The following DLG2 variants were observed in gnomAD, a reference collection of about 807,000 sequenced individuals.
DLG2 encodes disks large homolog 2.
Under a neutral mutation model 132.5 loss-of-function variants are expected in DLG2, and 45 were observed. The ratio of observed to expected loss-of-function variants is 0.34; its 90% CI spans 0.27 to 0.44. The LOEUF (loss-of-function observed/expected upper bound fraction) is 0.44. Ranked by LOEUF, DLG2 falls within the 20% of genes least tolerant of loss-of-function variation. The pLI is 1.00. For missense variants in DLG2, 1,045 were observed against 1,196.9 expected (o/e 0.87, Z 1.87); for synonymous variants, 424 against 419.6 (o/e 1.01, Z -0.13).
intron 3 of DLG2, among the ~76,000 whole-genome samples, chr11:85,591,269 A>C (rs529720932): frequency 1.3e-5 from 2 of 152,160 alleles, no homozygotes; most frequent in African/African-American, 4.8e-5. Flanking sequence ...TTGTTTCTCA[A>C]CTCTTTGGAA....
At chr11:83,460,743 A>T (rs2089752727) in intron 27 of DLG2, among the ~76,000 whole-genome samples, 1 of 152,224 alleles carries the variant, frequency 6.6e-6, no homozygotes, top group Non-Finnish European at 1.5e-5. Flanking sequence ...TTTAAAAACA[A>T]TCCTCAGAAT....
chr11:85,033,195 A>G (rs1323752397), intron 6 of DLG2, among the ~76,000 whole-genome samples: 1 of 152,194 alleles, frequency 6.6e-6, no homozygotes, highest in Admixed American at 6.5e-5. Context: ...TTATTACTAT[A>G]AAAATCCAGC....
intron 6 of DLG2, among the ~76,000 whole-genome samples, chr11:84,729,412 T>C (rs937407654): frequency 2.4e-4 from 36 of 152,152 alleles, no homozygotes; most frequent in African/African-American, 8.4e-4. Flanking sequence ...TAATCCTGAG[T>C]TCTAATTTGA....
At chr11:84,372,487 AATTATGGAAAT>A (rs543322426) in intron 7 of DLG2, among the ~76,000 whole-genome samples, 51 of 152,172 alleles carry the variant, frequency 3.4e-4, no homozygotes, top group Non-Finnish European at 6.3e-4. Context: ...GCAAATCCAA[AATTATGGAAAT>A]ATAAAAATTA....
chr11:84,310,448 A>T (rs981175322), intron 7 of DLG2, among the ~76,000 whole-genome samples: 2 of 152,202 alleles, frequency 1.3e-5, no homozygotes, highest in Admixed American at 6.5e-5. Flanking sequence ...GAACATGGTG[A>T]TTATGCAATA....
chr11:85,506,231 T>C (rs2153142967), intron 3 of DLG2, among the ~76,000 whole-genome samples: 1 of 152,336 alleles, frequency 6.6e-6, no homozygotes. Flanking sequence ...TCTGCTCTGA[T>C]CTTAGTTATT....
intron 6 of DLG2, chr11:84,923,242 T>C (rs1272841150): frequency 4.6e-6 from 7 of 1,535,186 alleles, no homozygotes; most frequent in Non-Finnish European, 5.3e-6. Context: ...TGAAAATGCA[T>C]TGATCTCTGT....
At chr11:85,502,567 G>A (rs188206020) in intron 3 of DLG2, among the ~76,000 whole-genome samples, 68 of 151,360 alleles carry the variant, frequency 4.5e-4, no homozygotes, top group Admixed American at 3.2e-3. Context: ...ACCAAACACC[G>A]CATGTTCTCA....
intron 7 of DLG2, among the ~76,000 whole-genome samples, chr11:84,311,445 G>A (rs1419315031): frequency 6.6e-6 from 1 of 152,108 alleles, no homozygotes; most frequent in Non-Finnish European, 1.5e-5. Context: ...AGAAAAATGA[G>A]GCTTAGAGAG....
intron 6 of DLG2, among the ~76,000 whole-genome samples, chr11:84,981,013 T>C (rs2055662684): frequency 6.6e-6 from 1 of 152,168 alleles, no homozygotes; most frequent in African/African-American, 2.4e-5. Context: ...CACAGTTTTA[T>C]AAGGGTCTCT....
chr11:84,310,041 C>G (rs1056780271), intron 7 of DLG2, among the ~76,000 whole-genome samples: 1 of 152,174 alleles, frequency 6.6e-6, no homozygotes, highest in African/African-American at 2.4e-5. Flanking sequence ...AGAGACCCAA[C>G]TCACTCAGGG....
chr11:84,274,341 T>C (rs1167276121), intron 7 of DLG2, among the ~76,000 whole-genome samples: 1 of 152,104 alleles, frequency 6.6e-6, no homozygotes, highest in Non-Finnish European at 1.5e-5. Context: ...GGTTGCACAG[T>C]CAACAATGGT....
intron 8 of DLG2, among the ~76,000 whole-genome samples, chr11:84,245,027 C>T (rs1452862006): frequency 6.6e-6 from 1 of 152,212 alleles, no homozygotes; most frequent in Admixed American, 6.5e-5. Flanking sequence ...ATGGCAACTT[C>T]CTTCTCAGAG....
intron 6 of DLG2, among the ~76,000 whole-genome samples, chr11:84,543,034 C>T (rs2099381268): frequency 6.6e-6 from 1 of 152,268 alleles, no homozygotes; most frequent in East Asian, 1.9e-4. Context: ...TGCATCCTCA[C>T]TCCTACTCAC....
chr11:83,934,067 C>T (rs960735760), intron 14 of DLG2, among the ~76,000 whole-genome samples: 1 of 152,200 alleles, frequency 6.6e-6, no homozygotes, highest in African/African-American at 2.4e-5. Flanking sequence ...ATTCTTACAG[C>T]AGGGTTATGA....
chr11:85,192,901 G>A (rs546011021), intron 4 of DLG2, among the ~76,000 whole-genome samples: 50 of 152,238 alleles, frequency 3.3e-4, no homozygotes, highest in African/African-American at 1.2e-3. Flanking sequence ...TTAGGACAGG[G>A]CTATTTTGTT....
chr11:85,500,911 A>G (rs1012888217), intron 3 of DLG2, among the ~76,000 whole-genome samples: 2 of 152,248 alleles, frequency 1.3e-5, no homozygotes, highest in African/African-American at 2.4e-5. Context: ...AGAATTGGAA[A>G]AAAATACTTT....
chr11:85,188,496 T>C (rs2080293026), intron 4 of DLG2, among the ~76,000 whole-genome samples: 3 of 152,206 alleles, frequency 2.0e-5, no homozygotes, highest in African/African-American at 7.2e-5. Flanking sequence ...TGATCCATGC[T>C]CAAGAGAAAA....
chr11:84,376,280 A>C (rs1365797046), intron 7 of DLG2, among the ~76,000 whole-genome samples: 1 of 151,988 alleles, frequency 6.6e-6, no homozygotes, highest in Non-Finnish European at 1.5e-5. Flanking sequence ...TTGCTATGTA[A>C]AGGAGATTGA....
Sources: gnomAD v4.1 joint callset for allele counts (sites outside exome capture counted in the v4.1 genomes callset) on GRCh38, gnomAD v4.1.1 for gene constraint, MANE v1.5 for transcripts, NCBI Gene and HGNC (gene_info 2026-07-23, HGNC 2026-07-21) for gene names.